The following OR8J3 variants were observed in gnomAD, a reference collection of about 807,000 sequenced individuals.
OR8J3 encodes the protein olfactory receptor 8J3.
For synonymous variants in OR8J3, 170 were observed against 142.6 expected, an observed-to-expected ratio of 1.19 and a Z score of -1.37; for missense variants, 418 against 379.8, an observed-to-expected ratio of 1.10 and a Z score of -0.84.
At position 56,137,869 on chromosome 11, in the gene OR8J3, A is replaced by G. The variant is rs991791518; in HGVS notation, c.-151T>C. The G allele has an allele frequency of 6.2e-6, 4 of 640,950 alleles. No homozygotes were observed. Among genetic ancestry groups the G allele is most frequent in the African/African-American group, 5.5e-5 (3 of 54,644 alleles). 39.7% of individuals were successfully genotyped at this position (640,950 alleles called of 1,614,324 possible). On this transcript the variant is annotated 5_prime_UTR_variant, in exon 2 of 2. Transcript: ENST00000642058. ...TTAATCTAATTCAGTTATTAAACTC[A>G]GTATTCTCAGTCTAATAAATCAGCT...
rs868386710 is a variant in OR8J3 at position 56,138,700 on chromosome 11, A to G, written c.-779-203T>C. Among the ~76,000 whole-genome samples, 1,435 of 151,924 alleles carry G rather than the reference A, an allele frequency of 9.4e-3. 20 individuals carry two copies. The highest frequency in any genetic ancestry group is 0.033 in the African/African-American group (1,365 of 41,442). On this transcript the variant is annotated intron_variant, in intron 1 of 1. Transcript: ENST00000642058. ...CAGAGCGAGACTCCGTCTCAAAAAA[A>G]AAAAAAAATCAGTAAGATTTTTATC...
At chr11:56,138,792 ATTCTT>A (rs1378710557) in intron 1 of OR8J3, among the ~76,000 whole-genome samples, 1 of 151,662 alleles carries the variant, frequency 6.6e-6, no homozygotes. Context: ...TCTCATGACT[ATTCTT>A]TTCCTTGTGC....
At chr11:56,138,821 A>C (rs915787274) in intron 1 of OR8J3, among the ~76,000 whole-genome samples, 2 of 152,066 alleles carry the variant, frequency 1.3e-5, no homozygotes, top group Non-Finnish European at 2.9e-5. Context: ...AAGTTCGTAC[A>C]ATACTCCGTG....
At position 56,137,350 on chromosome 11, in the gene OR8J3, A is replaced by G. The variant is rs778817921; in HGVS notation, c.369T>C (p.Tyr123=). The G allele has an allele frequency of 7.4e-6, 12 of 1,614,020 alleles. No individual in the cohort carries two copies. In the East Asian group the frequency reaches 2.5e-4, roughly 33 times the overall value. Residue 123 remains tyrosine (Y), a synonymous_variant, in exon 2 of 2, where the codon TAT becomes TAC. Transcript: ENST00000642058. The part of the protein sequence containing the change: ...MMLAVMAYDR[Y]VAICNPLLYM... ...AGAGCAGAGGGTTACAAATGGCCAC[A>G]TAGCGGTCATAGGCCATCACAGCCA...
rs773053114 is a variant in OR8J3 at position 56,137,227 on chromosome 11, G to C, written c.492C>G (p.Phe164Leu). ...TATTAGAAGAGCAATAAGACACAGA[G>C]AATATACAAGGTGAAACCACAATAG... ...STAIVVSPCI[F>L]SVSYCSSNII... is the part of the protein sequence containing the mutation. The change falls in exon 2 of 2, where the codon TTC becomes TTG. Residue 164 changes from phenylalanine (F) to leucine (L), a missense_variant. By Grantham distance (22) the Phe-to-Leu change is conservative. Transcript: ENST00000642058. 1.9e-6 allele frequency: 3 copies of C among 1,613,970 alleles called. No individual in the cohort carries two copies. The Admixed American group carries it at 5.0e-5, about 27-fold the overall frequency.
At position 56,137,618 on chromosome 11, in the gene OR8J3, A is replaced by C; in HGVS notation, c.101T>G (p.Leu34Arg). 6.2e-7 allele frequency: 1 copy of C among 1,614,214 alleles called. No individual in the cohort carries two copies. The highest frequency in any genetic ancestry group is 8.5e-7 in the Non-Finnish European group (1 of 1,180,040). Reference sequence around the variant, plus strand: ...GTTCCCTGCCATGGTCAGCACATAGAGCACTAGGAAGACCAGGAAGAGGGG... The same window carrying C: ...GTTCCCTGCCATGGTCAGCACATAGCGCACTAGGAAGACCAGGAAGAGGGG... ...QIPLFLVFLV[L>R]YVLTMAGNLG... is the part of the protein sequence containing the mutation. Residue 34 changes from leucine to arginine, a missense_variant, in exon 2 of 2, where the codon CTC becomes CGC. Leu to Arg is a moderately radical substitution (Grantham distance 102). Transcript: ENST00000642058.
At chr11:56,139,757 G>A (rs1854371396) in intron 1 of OR8J3, among the ~76,000 whole-genome samples, 1 of 152,198 alleles carries the variant, frequency 6.6e-6, no homozygotes, top group Admixed American at 6.5e-5. Context: ...GGTGGCATTT[G>A]AATTGAAACC....
chr11:56,137,397 T>A lies in OR8J3; in HGVS notation c.322A>T (p.Ile108Phe). The part of the protein sequence containing the change: ...ATQLGGFLFF[I>F]VSEVMMLAVM... ...GCCAGCATCATTACCTCCGATACAATAAAGAACAAGAACCCTCCCAGTTGG... is the reference window on the plus strand; with the variant it reads ...GCCAGCATCATTACCTCCGATACAAAAAAGAACAAGAACCCTCCCAGTTGG... The change falls in exon 2 of 2, where the codon ATT becomes TTT. Residue 108 changes from isoleucine to phenylalanine, a missense_variant. Coordinates refer to ENST00000642058, the MANE Select transcript of OR8J3 (RefSeq NM_001004064.2). The A allele has an allele frequency of 1.9e-6, 3 of 1,614,122 alleles. No individual in the cohort carries two copies. The highest frequency in any genetic ancestry group is 2.5e-6 in the Non-Finnish European group (3 of 1,180,016).
At position 56,137,606 on chromosome 11, in the gene OR8J3, G is replaced by T. The variant is rs756092293; in HGVS notation, c.113C>A (p.Thr38Asn). The T allele has an allele frequency of 9.3e-6, 15 of 1,614,082 alleles. No individual in the cohort carries two copies. Among genetic ancestry groups the T allele is most frequent in the Non-Finnish European group, 8.5e-7 (1 of 1,180,046 alleles). Residue 38 changes from threonine to asparagine, a missense_variant, in exon 2 of 2, where the codon ACC becomes AAC. Physicochemically the swap from Thr to Asn is moderately conservative, Grantham distance 65 (BLOSUM62 0). Coordinates refer to ENST00000642058, the MANE Select transcript of OR8J3 (RefSeq NM_001004064.2). Reference sequence around the variant, plus strand: ...GATGATGCCCAGGTTCCCTGCCATGGTCAGCACATAGAGCACTAGGAAGAC... The same window carrying T: ...GATGATGCCCAGGTTCCCTGCCATGTTCAGCACATAGAGCACTAGGAAGAC... ...FLVFLVLYVL[T>N]MAGNLGIITL...
Position 56,137,135 on chromosome 11 carries a change from GGT to G in OR8J3, c.582_583del (p.Pro195ArgfsTer76), listed in dbSNP as rs767975410. ...TGCAGATATAAAGACTATTGTTTCT[GGT>G]ATGTAAGTATCAGAGCAAGATAATG... On this transcript the variant is annotated frameshift_variant, in exon 2 of 2. Transcript: ENST00000642058. LOFTEE classifies it low-confidence loss of function (END_TRUNC). The G allele has an allele frequency of 2.5e-6, 4 of 1,613,018 alleles. No individual in the cohort carries two copies. Among genetic ancestry groups the G allele is most frequent in the Middle Eastern group, 1.7e-4 (1 of 6,046 alleles).
At chr11:56,139,971 G>A (rs781621163) in intron 1 of OR8J3, among the ~76,000 whole-genome samples, 1 of 152,210 alleles carries the variant, frequency 6.6e-6, no homozygotes, top group Non-Finnish European at 1.5e-5. Context: ...AATGAGAATA[G>A]GACAGGAGGG....
At position 56,136,860 on chromosome 11, in the gene OR8J3, G is replaced by C; in HGVS notation, c.859C>G (p.Pro287Ala). The C allele has an allele frequency of 6.2e-7, 1 of 1,613,488 alleles. No individual in the cohort carries two copies. The highest frequency in any genetic ancestry group is 8.5e-7 in the Non-Finnish European group (1 of 1,179,700). The change falls in exon 2 of 2, where the codon CCC (proline) becomes GCC (alanine). Residue 287 changes from proline (P) to alanine (A), a missense_variant. Physicochemically the swap from Pro to Ala is conservative, Grantham distance 27. Coordinates refer to ENST00000642058, the MANE Select transcript of OR8J3 (RefSeq NM_001004064.2). Reference sequence around the variant, plus strand: ...TTATTCCTCAGGCTGTAGATCAAGGGATTCAGCATAGGAATCACCAATGTG... The same window carrying C: ...TTATTCCTCAGGCTGTAGATCAAGGCATTCAGCATAGGAATCACCAATGTG... ...FYTLVIPMLN[P>A]LIYSLRNNDV...
rs777450919 is a variant in OR8J3, at chr11:56,136,924, G to GT, written c.794dup (p.Asn265LysfsTer7). ...CCATCTTATCAGTATCCAGTGAGTGGTTGGTTTGGGGCTGCAAATACATAA... is the reference window on the plus strand; with the variant it reads ...CCATCTTATCAGTATCCAGTGAGTGGTTTGGTTTGGGGCTGCAAATACATAA... On this transcript the variant is annotated frameshift_variant, in exon 2 of 2. Transcript: ENST00000642058. LOFTEE classifies it low-confidence loss of function (END_TRUNC). The GT allele has an allele frequency of 1.2e-6, 2 of 1,614,142 alleles. No individual in the cohort carries two copies. Among genetic ancestry groups the GT allele is most frequent in the Middle Eastern group, 3.3e-4 (2 of 6,060 alleles).
rs138320062 is a variant in OR8J3, at chr11:56,137,026, T to C, written c.693A>G (p.Pro231=). 571 of 1,613,808 alleles carry C rather than the reference T, an allele frequency of 3.5e-4. 1 individual carries two copies. The highest frequency in any genetic ancestry group is 5.0e-4 in the Middle Eastern group (3 of 6,054). ...TGGAAAAGGCTTTTTTCCTTCCTTC[T>C]GGTGAACGTATCCTTAGAATGGACA... ...IVLSILRIRS[P]EGRKKAFSTC... The change falls in exon 2 of 2, where the codon CCA becomes CCG. Residue 231 remains proline, a synonymous_variant. Coordinates refer to ENST00000642058, the MANE Select transcript of OR8J3 (RefSeq NM_001004064.2).
chr11:56,137,318 A>G lies in OR8J3; in HGVS notation c.401T>C (p.Val134Ala). 6.2e-7 allele frequency: 1 copy of G among 1,614,068 alleles called. No individual in the cohort carries two copies. ...GAGGCAGAGCCGCCGAGACACCACC[A>G]CCATGTAGAGCAGAGGGTTACAAAT... ...VAICNPLLYM[V>A]VVSRRLCLLL... is the part of the protein sequence containing the mutation. The change falls in exon 2 of 2, where the codon GTG becomes GCG. Residue 134 changes from valine (V) to alanine (A), a missense_variant. Val to Ala is a moderately conservative substitution (Grantham distance 64, BLOSUM62 0). Transcript: ENST00000642058.
chr11:56,135,454 C>T lies in OR8J3; in HGVS notation c.*1317G>A, dbSNP rs1162107282. The stretch of plus-strand genomic sequence containing the variant: ...GGCGTGAAAAGTAGACTGAATATCT[C>T]AACACCAAGGCAAATTAAAAGATAT... On this transcript the variant is annotated 3_prime_UTR_variant, in exon 2 of 2. Coordinates refer to ENST00000642058, the MANE Select transcript of OR8J3 (RefSeq NM_001004064.2). The T allele has an allele frequency of 1.3e-5, 2 of 151,960 alleles. No individual in the cohort carries two copies. The highest frequency in any genetic ancestry group is 6.5e-5 in the Admixed American group (1 of 15,268). 9.4% of individuals were successfully genotyped at this position (151,960 alleles called of 1,614,324 possible).
rs948103731 is a variant in OR8J3 at position 56,135,481 on chromosome 11, C to T, written c.*1290G>A. The T allele has an allele frequency of 6.6e-6, 1 of 151,892 alleles. No individual in the cohort carries two copies. The highest frequency in any genetic ancestry group is 1.5e-5 in the Non-Finnish European group (1 of 67,854). 9.4% of individuals were successfully genotyped at this position (151,892 alleles called of 1,614,324 possible). On this transcript the variant is annotated 3_prime_UTR_variant, in exon 2 of 2. Coordinates refer to ENST00000642058, the MANE Select transcript of OR8J3 (RefSeq NM_001004064.2). ...ACACCAAGGCAAATTAAAAGATATCCAATCACTACTTTTCCAGTTACTTGA... is the reference window on the plus strand; with the variant it reads ...ACACCAAGGCAAATTAAAAGATATCTAATCACTACTTTTCCAGTTACTTGA...
rs1397340125 is a variant in OR8J3, at chr11:56,134,920, CCATT to C, written c.*1847_*1850del. The stretch of plus-strand genomic sequence containing the variant: ...TACATGCATACACATAAATAGTACT[CCATT>C]CATTTATTATCGCACTAGGTAAACC... On this transcript the variant is annotated 3_prime_UTR_variant, in exon 2 of 2. Transcript: ENST00000642058. The C allele has an allele frequency of 1.3e-5, 2 of 152,042 alleles. No individual in the cohort carries two copies. Among genetic ancestry groups the C allele is most frequent in the Admixed American group, 6.6e-5 (1 of 15,258 alleles). The allele number at this position is 152,042 out of a possible 1,614,324, so 9.4% of individuals were successfully genotyped here.
At position 56,137,301 on chromosome 11, in the gene OR8J3, G is replaced by A. The variant is rs1590753478; in HGVS notation, c.418C>T (p.Leu140Phe). 3.1e-6 allele frequency: 5 copies of A among 1,613,966 alleles called. No individual in the cohort carries two copies. The highest frequency in any genetic ancestry group is 4.5e-5 in the East Asian group (2 of 44,878). Reference protein sequence around the residue: ...LLYMVVVSRRLCLLLVSLTYL... With the variant: ...LLYMVVVSRRFCLLLVSLTYL... Reference sequence around the variant, plus strand: ...GTGAGGGACACCAGCAGGAGGCAGAGCCGCCGAGACACCACCACCATGTAG... The same window carrying A: ...GTGAGGGACACCAGCAGGAGGCAGAACCGCCGAGACACCACCACCATGTAG... Residue 140 changes from leucine to phenylalanine, a missense_variant, in exon 2 of 2, where the codon CTC becomes TTC. Coordinates refer to ENST00000642058, the MANE Select transcript of OR8J3 (RefSeq NM_001004064.2).
Sources: gnomAD v4.1 joint callset for allele counts (sites outside exome capture counted in the v4.1 genomes callset) on GRCh38, gnomAD v4.1.1 for gene constraint, MANE v1.5 for transcripts, NCBI Gene and HGNC (gene_info 2026-07-23, HGNC 2026-07-21) for gene names.